Variants in MPV17 observed in about 807,000 individuals in gnomAD.
The protein encoded by MPV17 is mitochondrial inner membrane protein MPV17.
Under a neutral mutation model 28.6 loss-of-function variants are expected in MPV17, and 31 were observed. The observed-to-expected ratio is 1.08, with a 90% confidence interval of 0.81 to 1.46. The LOEUF (loss-of-function observed/expected upper bound fraction) is 1.46. Among genes scored for constraint, MPV17 ranks in the 40% most tolerant of loss-of-function variants. The pLI, the probability that MPV17 is intolerant of heterozygous loss-of-function variation, is 0.00. For missense variants in MPV17, 198 were observed against 216.2 expected, an observed-to-expected ratio of 0.92 and a Z score of 0.53; for synonymous variants, 87 against 85.3, an observed-to-expected ratio of 1.02 and a Z score of -0.11.
chr2:27,313,159 C>A, intron 2 of MPV17, 50 bp from the exon 3 acceptor site: 4 of 1,613,470 alleles, frequency 2.5e-6, no homozygotes, highest in Non-Finnish European at 3.4e-6. Context: ...GATGGGCTGC[C>A]ATTCCAAGGA....
At chr2:27,310,153 G>A (rs1436964576) in intron 7 of MPV17, among the ~76,000 whole-genome samples, 172 bp from the exon 8 acceptor site, 2 of 152,116 alleles carry the variant, frequency 1.3e-5, no homozygotes, top group South Asian at 4.1e-4. Context: ...TGCCCAGGCT[G>A]GAGTGCAGTA....
In MPV17 at chr2:27,312,183, G is replaced by A; in HGVS notation, c.408+31C>T. Reference sequence around the variant, plus strand: ...GACAGTTCTAGACTTAAGGAAGCAGGAGAACAAGCAGTTGAGGTGTCAGCT... The same window carrying A: ...GACAGTTCTAGACTTAAGGAAGCAGAAGAACAAGCAGTTGAGGTGTCAGCT... On this transcript the variant is annotated intron_variant, in intron 6 of 7. Coordinates refer to ENST00000380044, the MANE Select transcript of MPV17 (RefSeq NM_002437.5). The A allele has an allele frequency of 8.1e-6, 13 of 1,610,624 alleles. 1 individual carries two copies. Among genetic ancestry groups the A allele is most frequent in the South Asian group, 1.1e-5 (1 of 91,024 alleles).
intron 2 of MPV17, among the ~76,000 whole-genome samples, chr2:27,318,416 G>GC: frequency 6.6e-6 from 1 of 151,138 alleles, no homozygotes; most frequent in Non-Finnish European, 1.5e-5. Flanking sequence ...GGAGTGCAGT[G>GC]GCAGGATCTT....
intron 2 of MPV17, chr2:27,316,053 C>T: frequency 6.5e-7 from 1 of 1,549,842 alleles, no homozygotes. Flanking sequence ...GTGTTCCTGC[C>T]CAAGTGAGGC....
chr2:27,317,589 C>G lies in MPV17; in HGVS notation c.71-4480G>C, dbSNP rs560360368. Among the ~76,000 whole-genome samples, 2 of 152,190 alleles carry G rather than the reference C, an allele frequency of 1.3e-5. No individual in the cohort carries two copies. The highest frequency in any genetic ancestry group is 2.9e-5 in the Non-Finnish European group (2 of 68,036). On this transcript the variant is annotated intron_variant, in intron 2 of 7. Coordinates refer to ENST00000380044, the MANE Select transcript of MPV17 (RefSeq NM_002437.5). The surrounding 1 kb of genome is among the most constrained non-coding windows in gnomAD (Gnocchi z 4.0). ...CCCACTCCTGCCTCAGTTTCCTTCT[C>G]TGCAGTCTCCTGGGCTGGACAGGAT... is the stretch of plus-strand genomic sequence containing the variant.
chr2:27,317,154 T>G lies in MPV17; in HGVS notation c.71-4045A>C. On this transcript the variant is annotated intron_variant, in intron 2 of 7. Transcript: ENST00000380044. The surrounding 1 kb of genome is among the most constrained non-coding windows in gnomAD (Gnocchi z 4.0). ...TTCTTGGAGTGAGGAGCAGGAAGCG[T>G]GTCCTTCAGTCCAGGAGGCCTGGGT... 2 of 1,550,238 alleles carry G rather than the reference T, an allele frequency of 1.3e-6. No individual in the cohort carries two copies. Among genetic ancestry groups the G allele is most frequent in the Non-Finnish European group, 1.7e-6 (2 of 1,146,906 alleles).
intron 2 of MPV17, 166 bp from the exon 3 acceptor site, chr2:27,313,275 C>T (rs768668235): frequency 1.4e-6 from 2 of 1,467,648 alleles, no homozygotes; most frequent in Non-Finnish European, 1.9e-6. Context: ...AAAGCCCTCA[C>T]CTCCCCAATG....
At chr2:27,312,131 C>T in intron 6 of MPV17, 83 bp downstream of exon 6, 2 of 1,524,532 alleles carry the variant, frequency 1.3e-6, no homozygotes, top group South Asian at 1.1e-5. Flanking sequence ...AAGGGTTTCC[C>T]ATGTCAGGAG....
At position 27,312,936 on chromosome 2, in the gene MPV17, G is replaced by A. The variant is rs1679510550; in HGVS notation, c.186+58C>T. On this transcript the variant is annotated intron_variant, in intron 3 of 7. Transcript: ENST00000380044. ...GAGAGTCCAAGGGAAGCCAAAGGATGGCAAAGAACTAAGACCACTGTTGAG... is the reference window on the plus strand; with the variant it reads ...GAGAGTCCAAGGGAAGCCAAAGGATAGCAAAGAACTAAGACCACTGTTGAG... 6 of 1,595,390 alleles carry A rather than the reference G, an allele frequency of 3.8e-6. No individual in the cohort carries two copies. The South Asian group carries it at 4.4e-5, about 12-fold the overall frequency.
chr2:27,322,204 C>G (rs1679886730), intron 2 of MPV17: 3 of 583,944 alleles, frequency 5.1e-6, no homozygotes, highest in Non-Finnish European at 9.2e-6. Flanking sequence ...GCTGACTGTT[C>G]AGCTTTTTGA....
At position 27,322,459 on chromosome 2, in the gene MPV17, A is replaced by G. The variant is rs1679895939; in HGVS notation, c.59T>C (p.Val20Ala). The G allele has an allele frequency of 6.2e-7, 1 of 1,614,042 alleles. No individual in the cohort carries two copies. Among genetic ancestry groups the G allele is most frequent in the Non-Finnish European group, 8.5e-7 (1 of 1,179,972 alleles). ...AGAGGGACACTCACCAGCTGTCAGG[A>G]CCTGTACTTTCCACGGGTGAGCGGC... is the stretch of plus-strand genomic sequence containing the variant. ...ALAAHPWKVQ[V>A]LTAGSLMGLG... is the part of the protein sequence containing the mutation. The change falls in exon 2 of 8, where the codon GTC (valine) becomes GCC (alanine). Residue 20 changes from valine to alanine, a missense_variant. Val to Ala is a moderately conservative substitution (Grantham distance 64, BLOSUM62 0). Coordinates refer to ENST00000380044, the MANE Select transcript of MPV17 (RefSeq NM_002437.5).
Position 27,313,086 on chromosome 2 carries a change from T to C in MPV17, c.94A>G (p.Ile32Val). ...CTCTCCACCAGCTGCTGTGAGATAA[T>C]GTCACCCAGGCCCATCAGGGACCCT... is the stretch of plus-strand genomic sequence containing the variant. ...TAGSLMGLGD[I>V]ISQQLVERRG... The change falls in exon 3 of 8, where the codon ATT becomes GTT. Residue 32 changes from isoleucine (I) to valine (V), a missense_variant. Ile to Val is a conservative substitution (Grantham distance 29). Transcript: ENST00000380044. 1 of 1,614,174 alleles carries C rather than the reference T, an allele frequency of 6.2e-7. No homozygotes were observed. Among genetic ancestry groups the C allele is most frequent in the African/African-American group, 1.3e-5 (1 of 75,046 alleles).
In MPV17 at chr2:27,317,176, G is replaced by T. The variant is rs1005730620; in HGVS notation, c.71-4067C>A. On this transcript the variant is annotated intron_variant, in intron 2 of 7. Transcript: ENST00000380044. The surrounding 1 kb of genome is among the most constrained non-coding windows in gnomAD (Gnocchi z 4.0). ...GCGTGTCCTTCAGTCCAGGAGGCCTGGGTCGGCAGGTATAGCTACTGGCAT... is the reference window on the plus strand; with the variant it reads ...GCGTGTCCTTCAGTCCAGGAGGCCTTGGTCGGCAGGTATAGCTACTGGCAT... The T allele has an allele frequency of 3.2e-6, 5 of 1,550,352 alleles. No individual in the cohort carries two copies. In the Admixed American group the frequency reaches 5.9e-5, roughly 18 times the overall value.
At chr2:27,316,231 T>C (rs965275311) in intron 2 of MPV17, 12 of 1,548,128 alleles carry the variant, frequency 7.8e-6, no homozygotes, top group Non-Finnish European at 1.0e-5. Flanking sequence ...CTTCATGACT[T>C]GCCAACAGTC....
rs113055360 is a variant in MPV17 at position 27,312,248 on chromosome 2, T to G, written c.376-2A>C. 4 of 1,614,078 alleles carry G rather than the reference T, an allele frequency of 2.5e-6. No homozygotes were observed. Among genetic ancestry groups the G allele is most frequent in the Middle Eastern group, 1.6e-4 (1 of 6,062 alleles). On this transcript the variant is annotated splice_acceptor_variant, in intron 5 of 7. Coordinates refer to ENST00000380044, the MANE Select transcript of MPV17 (RefSeq NM_002437.5). LOFTEE classifies it high-confidence loss of function. ...GGTGATAAGGGCATCAGGATAATCC[T>G]GGGGAGACAGAGAAGGAACAAATTA...
At chr2:27,312,313 A>G in intron 5 of MPV17, 67 bp from the exon 6 acceptor site, 1 of 1,547,580 alleles carries the variant, frequency 6.5e-7, no homozygotes. Context: ...CCCAGTATGA[A>G]TGTCACACAC....
chr2:27,312,950 A>G (rs1558599860), intron 3 of MPV17, 44 bp downstream of exon 3: 1 of 1,604,492 alleles, frequency 6.2e-7, no homozygotes, highest in African/African-American at 1.3e-5. Flanking sequence ...AAGAACTAAG[A>G]CCACTGTTGA....
chr2:27,311,549 A>C (rs549353644), intron 7 of MPV17: 1 of 1,535,744 alleles, frequency 6.5e-7, no homozygotes, highest in Non-Finnish European at 8.8e-7. Flanking sequence ...CCAGGCTCCT[A>C]CTTGGCCTTC....
At chr2:27,315,425 G>A (rs1030279855) in intron 2 of MPV17, among the ~76,000 whole-genome samples, 4 of 152,196 alleles carry the variant, frequency 2.6e-5, no homozygotes, top group Admixed American at 6.5e-5. Context: ...GGCAGAAAAG[G>A]CAGTCCTTTC....
Sources: gnomAD v4.1 joint callset for allele counts (sites outside exome capture counted in the v4.1 genomes callset) on GRCh38, gnomAD v4.1.1 for gene constraint, Gnocchi (gnomAD v3.1) non-coding constraint, MANE v1.5 for transcripts, NCBI Gene and HGNC (gene_info 2026-07-23, HGNC 2026-07-21) for gene names.